The following KLHL4 variants were observed in gnomAD, a reference collection of about 807,000 sequenced individuals.
KLHL4 encodes kelch-like protein 4.
Under a neutral mutation model 45.8 loss-of-function variants are expected in KLHL4, and 17 were observed. That is an observed-to-expected ratio of 0.37 (90% CI 0.25 to 0.56). KLHL4 has a LOEUF of 0.56. Ranked by LOEUF, KLHL4 falls within the 20% of genes least tolerant of loss-of-function variation. The pLI is 0.79. For synonymous variants in KLHL4, 224 were observed against 189.9 expected, an observed-to-expected ratio of 1.18 and a Z score of -1.47; for missense variants, 544 against 544.9, an observed-to-expected ratio of 1.00 and a Z score of 0.02.
At chrX:87,548,513 T>A (rs1931732479) in intron 1 of KLHL4, among the ~76,000 whole-genome samples, 1 of 111,787 alleles carries the variant, frequency 8.9e-6, no homozygotes, top group African/African-American at 3.2e-5. Context: ...ACAACTTTTA[T>A]TCTAAGTAGA....
chrX:87,559,170 T>C (rs1414258646), intron 1 of KLHL4, among the ~76,000 whole-genome samples: 1 of 112,111 alleles, frequency 8.9e-6, no homozygotes, highest in African/African-American at 3.2e-5. Flanking sequence ...TTTATGGACA[T>C]TGAATTTTGA....
chrX:87,591,654 A>G (rs1235980648), intron 1 of KLHL4, among the ~76,000 whole-genome samples: 1 of 111,558 alleles, frequency 9.0e-6, no homozygotes, highest in Non-Finnish European at 1.9e-5. Context: ...AGTCTGATAT[A>G]ATCCTATTTG....
intron 1 of KLHL4, among the ~76,000 whole-genome samples, chrX:87,528,349 AAAT>A (rs1307661180): frequency 1.8e-5 from 2 of 111,185 alleles, no homozygotes; most frequent in Non-Finnish European, 3.8e-5. Flanking sequence ...GTCAGAGAAA[AAAT>A]AATAATAAAG....
intron 1 of KLHL4, among the ~76,000 whole-genome samples, chrX:87,555,590 C>T (rs1290855060): frequency 9.3e-6 from 1 of 107,041 alleles, no homozygotes; most frequent in Non-Finnish European, 1.9e-5. Flanking sequence ...TTTATTGCGT[C>T]TATTTGATTC....
At chrX:87,524,381 TTAAC>T (rs1166432086) in intron 1 of KLHL4, among the ~76,000 whole-genome samples, 1 of 112,138 alleles carries the variant, frequency 8.9e-6, no homozygotes, top group Non-Finnish European at 1.9e-5. Context: ...AGCACAATTA[TTAAC>T]TGTCAATTAA....
At chrX:87,607,854 T>C (rs1421881513) in intron 1 of KLHL4, among the ~76,000 whole-genome samples, 1 of 111,758 alleles carries the variant, frequency 8.9e-6, no homozygotes, top group Non-Finnish European at 1.9e-5. Flanking sequence ...TGGGGTGATA[T>C]CATTTAGTCC....
chrX:87,619,302 A>T (rs1399515765), intron 4 of KLHL4, among the ~76,000 whole-genome samples: 2 of 111,664 alleles, frequency 1.8e-5, no homozygotes, highest in Non-Finnish European at 3.8e-5. Context: ...ACAGAAGGTA[A>T]TTTTTTAATT....
At chrX:87,577,944 T>C (rs887028364) in intron 1 of KLHL4, among the ~76,000 whole-genome samples, 4 of 111,671 alleles carry the variant, frequency 3.6e-5, no homozygotes, top group Admixed American at 2.9e-4. Context: ...AATAAATTAA[T>C]TGATATTACT....
chrX:87,574,901 G>T (rs1476209806), intron 1 of KLHL4, among the ~76,000 whole-genome samples: 1 of 111,809 alleles, frequency 8.9e-6, no homozygotes, highest in Non-Finnish European at 1.9e-5. Context: ...ACATTCTCAT[G>T]CATTGAATGG....
At chrX:87,594,528 CTA>C (rs1201873122) in intron 1 of KLHL4, among the ~76,000 whole-genome samples, 5 of 111,374 alleles carry the variant, frequency 4.5e-5, no homozygotes, top group Admixed American at 3.8e-4. Flanking sequence ...TCATGTTTTC[CTA>C]TGTCTTTCCT....
intron 9 of KLHL4, 86 bp downstream of exon 9, chrX:87,635,861 A>C: frequency 1.4e-6 from 1 of 700,776 alleles, no homozygotes; most frequent in Non-Finnish European, 2.0e-6. Context: ...TTTTAAATGG[A>C]AATCAGTTTA....
intron 1 of KLHL4, among the ~76,000 whole-genome samples, chrX:87,558,105 C>T (rs1295245136): frequency 5.4e-5 from 6 of 111,761 alleles, no homozygotes; most frequent in African/African-American, 2.0e-4. Flanking sequence ...ATTTATGGCC[C>T]CATGTCTACC....
In KLHL4 at chrX:87,625,761, C is replaced by A. The variant is rs1406325706; in HGVS notation, c.1289C>A (p.Ala430Glu). The change falls in exon 6 of 11, where the codon GCA (alanine) becomes GAA (glutamate). Residue 430 changes from alanine to glutamate, a missense_variant. Physicochemically the swap from Ala to Glu is moderately radical, Grantham distance 107 (BLOSUM62 -1). Transcript: ENST00000373119. ...RTKPRKSTVG[A>E]LYAVGGMDAM... ...AAGCCTAGAAAATCAACTGTGGGGG[C>A]ACTTTATGCTGTAGGAGGCATGGAT... 8.3e-7 allele frequency: 1 copy of A among 1,206,550 alleles called. No individual in the cohort carries two copies. The highest frequency in any genetic ancestry group is 3.0e-5 in the East Asian group (1 of 33,618).
rs1172403397 is a variant in KLHL4, at chrX:87,622,250, C to T, written c.964C>T (p.Leu322=). 1 of 1,207,139 alleles carries T rather than the reference C, an allele frequency of 8.3e-7. No individual in the cohort carries two copies. Among genetic ancestry groups the T allele is most frequent in the East Asian group, 3.0e-5 (1 of 33,726 alleles). The change falls in exon 5 of 11, where the codon CTG becomes TTG. Residue 322 remains leucine, a synonymous_variant. Transcript: ENST00000373119. The stretch of plus-strand genomic sequence containing the variant: ...GGTAATAAAAAACCAAGAATTCCTC[C>T]TGCTTCCAGCTAATGAAATTTCAAA... ...IEVIKNQEFL[L]LPANEISKLL... is the part of the protein sequence containing the mutation.
chrX:87,533,444 T>C (rs1931351107), intron 1 of KLHL4, among the ~76,000 whole-genome samples: 1 of 101,188 alleles, frequency 9.9e-6, no homozygotes. Flanking sequence ...CTCAGTAAAC[T>C]ATCGCAAGGA....
intron 1 of KLHL4, among the ~76,000 whole-genome samples, chrX:87,580,769 T>G (rs1921249433): frequency 1.8e-5 from 2 of 112,435 alleles, no homozygotes; most frequent in Non-Finnish European, 3.8e-5. Flanking sequence ...TAGGAGATTT[T>G]AATACCAAAC....
At position 87,632,320 on chromosome X, in the gene KLHL4, T is replaced by C; in HGVS notation, c.1435T>C (p.Tyr479His). The change falls in exon 7 of 11, where the codon TAT becomes CAT. Residue 479 changes from tyrosine to histidine, a missense_variant. Physicochemically the swap from Tyr to His is moderately conservative, Grantham distance 83. Transcript: ENST00000373119. ...FGVAVIDNKLYVVGGRDGLKT... is the reference protein window; with the variant it reads ...FGVAVIDNKLHVVGGRDGLKT... ...AGTCGCAGTTATTGATAATAAGCTC[T>C]ATGTCGTGGGAGGAAGAGACGGTTT... 1 of 1,209,193 alleles carries C rather than the reference T, an allele frequency of 8.3e-7. No homozygotes were observed. Among genetic ancestry groups the C allele is most frequent in the Non-Finnish European group, 1.1e-6 (1 of 893,337 alleles).
At chrX:87,600,954 T>C (rs1234428404) in intron 1 of KLHL4, among the ~76,000 whole-genome samples, 1 of 111,898 alleles carries the variant, frequency 8.9e-6, no homozygotes, top group Non-Finnish European at 1.9e-5. Context: ...AAACGTCTAT[T>C]CCTTGCTTTT....
chrX:87,545,265 T>G (rs193068038), intron 1 of KLHL4, among the ~76,000 whole-genome samples: 88 of 112,189 alleles, frequency 7.8e-4, no homozygotes, highest in Non-Finnish European at 1.0e-3. Context: ...CTGATATTGT[T>G]TGGCTTTGTG....
Sources: gnomAD v4.1 joint callset for allele counts (sites outside exome capture counted in the v4.1 genomes callset) on GRCh38, gnomAD v4.1.1 for gene constraint, MANE v1.5 for transcripts, NCBI Gene and HGNC (gene_info 2026-07-23, HGNC 2026-07-21) for gene names.